ATAD2: variants seen among roughly 807,000 people sequenced by gnomAD.
The protein encoded by ATAD2 is ATPase family AAA domain containing 2.
ATAD2 carries 62 observed loss-of-function variants against 168.9 expected under a neutral mutation model. The observed-to-expected ratio is 0.37, with a 90% CI of 0.30 to 0.45. The LOEUF (loss-of-function observed/expected upper bound fraction) is 0.45. Ranked by LOEUF, ATAD2 falls within the 20% of genes least tolerant of loss-of-function variation. The probability of loss-of-function intolerance (pLI) is 1.00; values close to 1 mark genes in which losing one functional copy is unlikely to be tolerated. For missense variants in ATAD2, 1,419 were observed against 1,667.8 expected (o/e 0.85, Z 2.60); for synonymous variants, 613 against 571.6 (o/e 1.07, Z -1.03).
rs1390986041 is a variant in ATAD2 at position 123,346,752 on chromosome 8, T to C, written c.2213-2A>G. On this transcript the variant is annotated splice_acceptor_variant, in intron 16 of 27. Transcript: ENST00000287394. LOFTEE classifies it high-confidence loss of function. The stretch of plus-strand genomic sequence containing the variant: ...TTTCTAGCAGAGGACAAGAAATATC[T>C]ATAAAACCAAAAAATTGTACATTAG... The C allele has an allele frequency of 1.3e-6, 2 of 1,576,206 alleles. No individual in the cohort carries two copies. Among genetic ancestry groups the C allele is most frequent in the East Asian group, 2.3e-5 (1 of 43,848 alleles).
intron 13 of ATAD2, among the ~76,000 whole-genome samples, chr8:123,354,423 T>C (rs1244367617): frequency 2.0e-5 from 3 of 152,050 alleles, no homozygotes; most frequent in Admixed American, 2.0e-4. Flanking sequence ...TAGCTATATT[T>C]GGCCAGGCGC....
Position 123,344,544 on chromosome 8 carries a change from T to G in ATAD2, c.2718+340A>C, listed in dbSNP as rs1828171847. On this transcript the variant is annotated intron_variant, in intron 19 of 27. Transcript: ENST00000287394. ...TTGTATTTTTAGTAGGGACAGGGTT[T>G]CACCCTGTTAGCCAGGATGGTCTCA... 9 of 237,892 alleles carry G rather than the reference T, an allele frequency of 3.8e-5. No homozygotes were observed. The South Asian group carries it at 4.7e-4, about 12-fold the overall frequency. 14.7% of individuals were successfully genotyped at this position (237,892 alleles called of 1,614,324 possible).
At chr8:123,415,751 C>A (rs1262060369) in intron 1 of ATAD2, among the ~76,000 whole-genome samples, 2 of 152,116 alleles carry the variant, frequency 1.3e-5, no homozygotes, top group African/African-American at 2.4e-5. Flanking sequence ...CGCGCCTCCA[C>A]GCCCAACTAA....
chr8:123,362,039 G>T (rs1360489292), intron 8 of ATAD2, among the ~76,000 whole-genome samples: 1 of 152,176 alleles, frequency 6.6e-6, no homozygotes, highest in Non-Finnish European at 1.5e-5. Flanking sequence ...GAGGGGGAAG[G>T]ATCACTTGAC....
At chr8:123,408,391 C>A (rs1273727830) in intron 1 of ATAD2, among the ~76,000 whole-genome samples, 1 of 152,204 alleles carries the variant, frequency 6.6e-6, no homozygotes, top group Non-Finnish European at 1.5e-5. Flanking sequence ...CTGCTCCTAT[C>A]TGAGGCATTT....
intron 1 of ATAD2, among the ~76,000 whole-genome samples, chr8:123,416,033 T>C (rs1813267159): frequency 6.6e-6 from 1 of 152,178 alleles, no homozygotes; most frequent in African/African-American, 2.4e-5. Flanking sequence ...GGAATTAATA[T>C]ATCTTTTCGA....
chr8:123,362,844 C>T (rs546831322), intron 8 of ATAD2, among the ~76,000 whole-genome samples: 93 of 152,258 alleles, frequency 6.1e-4, no homozygotes, highest in African/African-American at 2.1e-3. Context: ...ATACCATCCA[C>T]TGTAAATTCA....
At chr8:123,398,226 CTTTTTTTTT>C (rs1188897965), upstream of ATAD2, among the ~76,000 whole-genome samples, 1 of 101,806 alleles carries the variant, frequency 9.8e-6, no homozygotes, top group African/African-American at 4.2e-5. Flanking sequence ...GGTTCTTGTT[CTTTTTTTTT>C]TTTTTTTTTT....
intron 8 of ATAD2, among the ~76,000 whole-genome samples, chr8:123,366,461 C>T (rs899825646): frequency 2.6e-5 from 4 of 152,162 alleles, no homozygotes; most frequent in South Asian, 2.1e-4. Flanking sequence ...TACTTCCACA[C>T]GTATGTTTAT....
intron 19 of ATAD2, among the ~76,000 whole-genome samples, chr8:123,340,070 T>C (rs903908074): frequency 1.3e-5 from 2 of 152,006 alleles, no homozygotes; most frequent in African/African-American, 2.4e-5. Context: ...TTAAACTTTT[T>C]GTAGAGATAG....
intron 13 of ATAD2, among the ~76,000 whole-genome samples, chr8:123,355,323 T>A (rs930817503): frequency 1.3e-5 from 2 of 152,216 alleles, no homozygotes; most frequent in African/African-American, 4.8e-5. Flanking sequence ...TACTAGCATA[T>A]ATGAAAGTAT....
intron 20 of ATAD2, 54 bp downstream of exon 20, chr8:123,339,257 T>A: frequency 7.2e-7 from 1 of 1,394,186 alleles, no homozygotes; most frequent in Non-Finnish European, 9.7e-7. Context: ...CATTAACTAT[T>A]TCATTCCTAC....
chr8:123,362,504 G>GCAACT (rs1828857604), intron 8 of ATAD2, among the ~76,000 whole-genome samples: 1 of 151,220 alleles, frequency 6.6e-6, no homozygotes, highest in African/African-American at 2.4e-5. Context: ...TCTGCCTCCT[G>GCAACT]GGTTCCAGTT....
rs1360019573 is a variant in ATAD2, at chr8:123,359,489, A to C, written c.1266+88T>G. The C allele has an allele frequency of 2.9e-6, 4 of 1,362,912 alleles. No individual in the cohort carries two copies. In the African/African-American group the frequency reaches 5.9e-5, roughly 20 times the overall value. The allele number at this position is 1,362,912 out of a possible 1,614,324, so 84.4% of individuals were successfully genotyped here. ...GTAAAGGTTAGAGTTTTGACTAAAA[A>C]GAAAAATCATTGGTTCCTTTTTTTA... On this transcript the variant is annotated intron_variant, in intron 10 of 27. Coordinates refer to ENST00000287394, the MANE Select transcript of ATAD2 (RefSeq NM_014109.4).
chr8:123,377,206 C>A (rs922290540), intron 2 of ATAD2, among the ~76,000 whole-genome samples: 1 of 148,902 alleles, frequency 6.7e-6, no homozygotes, highest in Non-Finnish European at 1.5e-5. Flanking sequence ...GGGGTTGAGG[C>A]TACTGTGAGC....
chr8:123,344,657 T>G (rs528496208), intron 19 of ATAD2: 1 of 477,994 alleles, frequency 2.1e-6, no homozygotes, highest in Admixed American at 3.4e-5. Flanking sequence ...TATAATACCA[T>G]TTTTCAAGAG....
intron 1 of ATAD2, among the ~76,000 whole-genome samples, chr8:123,383,629 C>T (rs755786676): frequency 2.0e-5 from 3 of 152,024 alleles, no homozygotes; most frequent in East Asian, 1.9e-4. Context: ...AAAAATCAGC[C>T]GGGCGAGGTG....
At chr8:123,362,028 C>T (rs967234563) in intron 8 of ATAD2, among the ~76,000 whole-genome samples, 4 of 151,978 alleles carry the variant, frequency 2.6e-5, no homozygotes, top group Admixed American at 6.6e-5. Flanking sequence ...TTTAGGAGAC[C>T]GAGGGGGAAG....
chr8:123,332,365 A>G (rs1827798140), intron 24 of ATAD2, among the ~76,000 whole-genome samples: 1 of 152,234 alleles, frequency 6.6e-6, no homozygotes, highest in African/African-American at 2.4e-5. Context: ...CAGCACCCAG[A>G]TTGAGAAACA....
Sources: allele counts gnomAD v4.1 joint callset (sites outside exome capture counted in the v4.1 genomes callset), GRCh38; gene constraint gnomAD v4.1.1; transcripts MANE v1.5; gene names NCBI Gene and HGNC (gene_info 2026-07-23, HGNC 2026-07-21).